The following CPAMD8 variants were observed in gnomAD, a reference collection of about 807,000 sequenced individuals.
The protein encoded by CPAMD8 is C3 and PZP like alpha-2-macroglobulin domain containing 8.
CPAMD8 carries 146 observed loss-of-function variants against 224.7 expected under a neutral mutation model. The observed-to-expected ratio is 0.65, with a 90% confidence interval of 0.57 to 0.75. CPAMD8 has a LOEUF of 0.75. Ranked by LOEUF, CPAMD8 falls within the 30% of genes least tolerant of loss-of-function variation. CPAMD8 has a pLI of 0.00. For missense variants in CPAMD8, 2,301 were observed against 2,537.5 expected, an observed-to-expected ratio of 0.91 and a Z score of 2.00; for synonymous variants, 966 against 1,044.6, an observed-to-expected ratio of 0.92 and a Z score of 1.45.
rs773997999 is a variant in CPAMD8, at chr19:16,989,745, C to CGGA, written c.1292_1293insTCC (p.Lys431delinsAsnPro). On this transcript the variant is annotated protein_altering_variant, in exon 13 of 42. Coordinates refer to ENST00000443236, the MANE Select transcript of CPAMD8 (RefSeq NM_015692.5). Reference sequence around the variant, plus strand: ...TGGGCAGGTACTGAGCCCCCACAGGCTTCCCGTTCAGTGCCATCACCTTGG... The same window carrying CGGA: ...TGGGCAGGTACTGAGCCCCCACAGGCGGATTCCCGTTCAGTGCCATCACCTTGG... 1 of 1,613,974 alleles carries CGGA rather than the reference C, an allele frequency of 6.2e-7. No homozygotes were observed. The highest frequency in any genetic ancestry group is 1.3e-5 in the African/African-American group (1 of 75,036).
chr19:16,985,260 G>A (rs893918653), intron 13 of CPAMD8, among the ~76,000 whole-genome samples: 2 of 151,790 alleles, frequency 1.3e-5, no homozygotes, highest in Admixed American at 6.6e-5. Flanking sequence ...AGGGAGAATG[G>A]ATGAAGGGAG....
At chr19:16,985,474 G>T (rs2122826761) in intron 13 of CPAMD8, among the ~76,000 whole-genome samples, 1 of 151,710 alleles carries the variant, frequency 6.6e-6, no homozygotes, top group South Asian at 2.1e-4. Context: ...ATGGATGGAT[G>T]AAGGGTGGAT....
chr19:16,992,544 C>T lies in CPAMD8; in HGVS notation c.1266+872G>A, dbSNP rs113885502. Among the ~76,000 whole-genome samples the T allele has an allele frequency of 5.2e-4, 79 of 152,050 alleles. 1 individual carries two copies. Among genetic ancestry groups the T allele is most frequent in the Admixed American group, 1.9e-3 (29 of 15,266 alleles). On this transcript the variant is annotated intron_variant, in intron 12 of 41. Coordinates refer to ENST00000443236, the MANE Select transcript of CPAMD8 (RefSeq NM_015692.5). ...TTGGCTCGCTGCGACTTCCACCTCC[C>T]GGGTTCAAGCAATTCTCCTGCCTCA...
chr19:16,914,278 T>C lies in CPAMD8; in HGVS notation c.3861+146A>G, dbSNP rs1417255079. The C allele has an allele frequency of 7.8e-6, 5 of 644,198 alleles. 1 individual carries two copies. The highest frequency in any genetic ancestry group is 5.4e-4 in the Middle Eastern group (2 of 3,710). The allele number at this position is 644,198 out of a possible 1,614,324, so 39.9% of individuals were successfully genotyped here. On this transcript the variant is annotated intron_variant, in intron 29 of 41. Coordinates refer to ENST00000443236, the MANE Select transcript of CPAMD8 (RefSeq NM_015692.5). Reference sequence around the variant, plus strand: ...CAAGAAACTGGATGTAATGTGACCATTGTTGATGAAAAGCATGAAAAAGCC... The same window carrying C: ...CAAGAAACTGGATGTAATGTGACCACTGTTGATGAAAAGCATGAAAAAGCC...
intron 21 of CPAMD8, among the ~76,000 whole-genome samples, chr19:16,946,577 A>G (rs180681014): frequency 2.2e-4 from 26 of 116,082 alleles, no homozygotes; most frequent in South Asian, 8.3e-4. Context: ...GTGTGTGTGT[A>G]TATGCACGTC....
intron 17 of CPAMD8, among the ~76,000 whole-genome samples, chr19:16,972,284 C>A (rs2055090013): frequency 1.3e-5 from 2 of 152,226 alleles, no homozygotes; most frequent in South Asian, 4.2e-4. Flanking sequence ...CCACCTCAGC[C>A]TCTTGAGTAG....
At chr19:16,917,461 T>C (rs989532903) in intron 27 of CPAMD8, among the ~76,000 whole-genome samples, 1 of 151,874 alleles carries the variant, frequency 6.6e-6, no homozygotes, top group African/African-American at 2.4e-5. Flanking sequence ...AAAAGTAAGA[T>C]CTATGGCCGG....
intron 17 of CPAMD8, among the ~76,000 whole-genome samples, chr19:16,972,160 C>A (rs1380699480): frequency 6.6e-6 from 1 of 152,068 alleles, no homozygotes; most frequent in African/African-American, 2.4e-5. Context: ...GCAATGATCT[C>A]TTTTATTAGT....
intron 29 of CPAMD8, among the ~76,000 whole-genome samples, chr19:16,913,380 T>C (rs1294242073): frequency 6.6e-6 from 1 of 151,974 alleles, no homozygotes; most frequent in Non-Finnish European, 1.5e-5. Context: ...TCCAAAATAA[T>C]AGGATTAGTG....
In CPAMD8 at chr19:16,972,560, G is replaced by A. The variant is rs1042848059; in HGVS notation, c.2071-1527C>T. On this transcript the variant is annotated intron_variant, in intron 17 of 41. Transcript: ENST00000443236. ...CCATTCTCTCCTGCCTCATTCTCCT[G>A]AGTAGCTGGGACTACTGGCGCCCGC... Among the ~76,000 whole-genome samples, 17 of 152,090 alleles carry A rather than the reference G, an allele frequency of 1.1e-4. 1 individual carries two copies. Among genetic ancestry groups the A allele is most frequent in the Middle Eastern group, 3.4e-3 (1 of 294 alleles).
chr19:16,921,879 C>T, intron 27 of CPAMD8, 26 bp downstream of exon 27: 2 of 1,496,300 alleles, frequency 1.3e-6, no homozygotes, highest in East Asian at 4.9e-5. Flanking sequence ...GCCTCAGAGG[C>T]AATGCCCAGG....
At position 16,911,105 on chromosome 19, in the gene CPAMD8, G is replaced by A. The variant is rs572221307; in HGVS notation, c.3861+3319C>T. On this transcript the variant is annotated intron_variant, in intron 29 of 41. Coordinates refer to ENST00000443236, the MANE Select transcript of CPAMD8 (RefSeq NM_015692.5). Reference sequence around the variant, plus strand: ...TTGCCTCCTTTGGGGAACGATCTAAGACAGGGGTCCCCAACCTCCGGGTCA... The same window carrying A: ...TTGCCTCCTTTGGGGAACGATCTAAAACAGGGGTCCCCAACCTCCGGGTCA... 2.0e-5 allele frequency among the ~76,000 whole-genome samples: 3 copies of A among 152,332 alleles called. No homozygotes were observed. In the East Asian group the frequency reaches 5.8e-4, roughly 29 times the overall value.
intron 23 of CPAMD8, among the ~76,000 whole-genome samples, chr19:16,937,922 G>GGATT (rs2053751392): frequency 6.6e-6 from 1 of 152,098 alleles, no homozygotes; most frequent in Non-Finnish European, 1.5e-5. Context: ...CAGAGTGCTG[G>GGATT]GATTATAGGC....
intron 9 of CPAMD8, among the ~76,000 whole-genome samples, chr19:17,001,991 G>A (rs1322652080): frequency 6.6e-6 from 1 of 151,632 alleles, no homozygotes; most frequent in Non-Finnish European, 1.5e-5. Context: ...CCCCAGGGAG[G>A]AGGCGCCCAC....
chr19:17,025,593 C>G (rs1220217493), intron 1 of CPAMD8, among the ~76,000 whole-genome samples: 1 of 152,182 alleles, frequency 6.6e-6, no homozygotes, highest in Non-Finnish European at 1.5e-5. Context: ...CCACTTAATG[C>G]CAACACCAAA....
chr19:16,951,964 A>C lies in CPAMD8; in HGVS notation c.2508+5T>G, dbSNP rs1276159729. 2.0e-6 allele frequency: 3 copies of C among 1,533,268 alleles called. No individual in the cohort carries two copies. In the South Asian group the frequency reaches 3.6e-5, roughly 18 times the overall value. The allele number at this position is 1,533,268 out of a possible 1,614,324, so 95.0% of individuals were successfully genotyped here. On this transcript the variant is annotated splice_donor_5th_base_variant and intron_variant, in intron 20 of 41. Coordinates refer to ENST00000443236, the MANE Select transcript of CPAMD8 (RefSeq NM_015692.5). ...GGAAGGCTATGTATTTGGGGGGCTGAGTACCTCAGCGCAGGTGCCCATGTA... is the reference window on the plus strand; with the variant it reads ...GGAAGGCTATGTATTTGGGGGGCTGCGTACCTCAGCGCAGGTGCCCATGTA...
intron 10 of CPAMD8, 113 bp from the exon 11 acceptor site, chr19:16,997,451 G>A: frequency 1.4e-6 from 1 of 691,830 alleles, no homozygotes; most frequent in South Asian, 1.7e-5. Context: ...GGAGGGCCAG[G>A]GGTCACTTGG....
chr19:16,979,386 T>TCATCCATC (rs55698805), intron 14 of CPAMD8, among the ~76,000 whole-genome samples: 41,702 of 132,722 alleles, frequency 0.31, 6,669 homozygotes, highest in East Asian at 0.51. Context: ...ATCTGTCCAT[T>TCATCCATC]CATCCATCCA....
chr19:17,025,653 C>T (rs2057061346), intron 1 of CPAMD8, among the ~76,000 whole-genome samples: 1 of 152,120 alleles, frequency 6.6e-6, no homozygotes, highest in Non-Finnish European at 1.5e-5. Context: ...CATTTCCCAG[C>T]GGCCTCAGGG....
Sources: gnomAD v4.1 joint callset for allele counts (sites outside exome capture counted in the v4.1 genomes callset) on GRCh38, gnomAD v4.1.1 for gene constraint, MANE v1.5 for transcripts, NCBI Gene and HGNC (gene_info 2026-07-23, HGNC 2026-07-21) for gene names.